NPAS3: variants seen among roughly 807,000 people sequenced by gnomAD.
NPAS3 encodes the protein neuronal PAS domain-containing protein 3.
A neutral mutation model predicts 73.1 loss-of-function variants in NPAS3; 14 were observed. The ratio of observed to expected loss-of-function variants is 0.19; its 90% CI spans 0.13 to 0.30. The LOEUF is 0.30. Ranked by LOEUF, NPAS3 falls within the 10% of genes least tolerant of loss-of-function variation. The pLI is 1.00. For synonymous variants in NPAS3, 620 were observed against 541.5 expected (o/e 1.14, Z -2.01); for missense variants, 1,096 against 1,250.0 (o/e 0.88, Z 1.86).
intron 6 of NPAS3, among the ~76,000 whole-genome samples, chr14:33,714,251 A>T (rs1485505370): frequency 1.3e-5 from 2 of 152,000 alleles, no homozygotes; most frequent in Non-Finnish European, 2.9e-5. Flanking sequence ...CATCTAGCAC[A>T]CTAGATCTTT....
intron 5 of NPAS3, among the ~76,000 whole-genome samples, chr14:33,648,554 G>A (rs2058900751): frequency 6.6e-6 from 1 of 152,188 alleles, no homozygotes; most frequent in Non-Finnish European, 1.5e-5. Flanking sequence ...AGAATTCCAA[G>A]TCAATATAAA....
intron 1 of NPAS3, among the ~76,000 whole-genome samples, chr14:33,033,426 C>T (rs1289694305): frequency 6.6e-6 from 1 of 151,978 alleles, no homozygotes; most frequent in East Asian, 1.9e-4. Flanking sequence ...TTGCAGTGAG[C>T]CGGGATTGCG....
intron 5 of NPAS3, among the ~76,000 whole-genome samples, chr14:33,643,027 C>T (rs2058717485): frequency 6.6e-6 from 1 of 152,096 alleles, no homozygotes; most frequent in East Asian, 1.9e-4. Flanking sequence ...CAATAATCTT[C>T]ATATAAGTAA....
intron 4 of NPAS3, among the ~76,000 whole-genome samples, chr14:33,445,631 T>C (rs893594292): frequency 1.6e-4 from 24 of 152,228 alleles, no homozygotes; most frequent in African/African-American, 5.3e-4. Context: ...AGGATGAAGA[T>C]ATTTCCCCAA....
At chr14:33,583,639 T>A (rs2056761937) in intron 5 of NPAS3, among the ~76,000 whole-genome samples, 1 of 152,210 alleles carries the variant, frequency 6.6e-6, no homozygotes, top group Admixed American at 6.5e-5. Context: ...CTTTCCAGTT[T>A]GTGTTAGGAT....
intron 4 of NPAS3, among the ~76,000 whole-genome samples, chr14:33,405,706 T>TA (rs1228691653): frequency 5.3e-5 from 8 of 152,130 alleles, no homozygotes. Context: ...TATAGGAACA[T>TA]AAAATTCATC....
At chr14:33,133,092 C>A (rs1168817691) in intron 2 of NPAS3, among the ~76,000 whole-genome samples, 1 of 152,154 alleles carries the variant, frequency 6.6e-6, no homozygotes, top group East Asian at 1.9e-4. Flanking sequence ...AAGAAGACTT[C>A]TATCTGTATT....
At chr14:33,682,540 A>ACCTAGAATGATTCTTTT (rs1177855032) in intron 6 of NPAS3, among the ~76,000 whole-genome samples, 1 of 152,222 alleles carries the variant, frequency 6.6e-6, no homozygotes, top group Non-Finnish European at 1.5e-5. Context: ...ACCTTGCCAA[A>ACCTAGAATGATTCTTTT]CCTAGAATGA....
At chr14:33,743,667 C>G (rs1312245644) in intron 7 of NPAS3, among the ~76,000 whole-genome samples, 11 of 152,212 alleles carry the variant, frequency 7.2e-5, no homozygotes, top group Admixed American at 7.2e-4. Flanking sequence ...GATGACTTCT[C>G]TCTAGCTATG....
intron 4 of NPAS3, among the ~76,000 whole-genome samples, chr14:33,493,287 G>A (rs924804770): frequency 1.3e-5 from 2 of 151,546 alleles, no homozygotes; most frequent in Non-Finnish European, 2.9e-5. Context: ...ACAATCGGGG[G>A]AAGATATTAT....
intron 4 of NPAS3, among the ~76,000 whole-genome samples, chr14:33,549,486 G>A (rs1595134951): frequency 1.3e-5 from 2 of 152,010 alleles, no homozygotes; most frequent in African/African-American, 2.4e-5. Context: ...CGCCTGCCTC[G>A]GCCTTCTAAT....
chr14:33,419,511 A>G (rs1031976111), intron 4 of NPAS3, among the ~76,000 whole-genome samples: 3 of 151,898 alleles, frequency 2.0e-5, no homozygotes, highest in African/African-American at 7.2e-5. Flanking sequence ...GCTGATGAGA[A>G]AAGTAAATGC....
chr14:33,550,430 A>T (rs1191555925), intron 4 of NPAS3, among the ~76,000 whole-genome samples: 1 of 152,254 alleles, frequency 6.6e-6, no homozygotes, highest in African/African-American at 2.4e-5. Flanking sequence ...TTACGATATT[A>T]GTTGTTATGT....
chr14:33,114,315 C>A (rs936000098), intron 2 of NPAS3, among the ~76,000 whole-genome samples: 1 of 152,108 alleles, frequency 6.6e-6, no homozygotes, highest in Non-Finnish European at 1.5e-5. Flanking sequence ...GGATTATAGG[C>A]GTGAACTACC....
chr14:33,446,392 G>A (rs1239558921), intron 4 of NPAS3, among the ~76,000 whole-genome samples: 1 of 150,588 alleles, frequency 6.6e-6, no homozygotes, highest in African/African-American at 2.4e-5. Flanking sequence ...AGCCAGGATG[G>A]TCTCGATCTC....
At chr14:33,784,745 A>ATTTATTTTTTTTTTTT (rs1471526546) in intron 9 of NPAS3, among the ~76,000 whole-genome samples, 10 of 73,832 alleles carry the variant, frequency 1.4e-4, no homozygotes, top group African/African-American at 3.8e-4. Flanking sequence ...TTATTTATTT[A>ATTTATTTTTTTTTTTT]TTTTTTTTTT....
chr14:32,939,176 C>A, upstream of NPAS3: 1 of 195,910 alleles, frequency 5.1e-6, no homozygotes, highest in Admixed American at 6.7e-5. Context: ...CCGGCCACCG[C>A]CCGCCGGGCA....
chr14:33,781,053 A>G lies in NPAS3; in HGVS notation c.1153+2481A>G, dbSNP rs190110087. On this transcript the variant is annotated intron_variant, in intron 9 of 11. Transcript: ENST00000356141. ...AGCTGATAATTCTGCATAGTAAAAT[A>G]CACTTCACATATTTAGCTATCATGC... Among the ~76,000 whole-genome samples, 289 of 152,338 alleles carry G rather than the reference A, an allele frequency of 1.9e-3. 1 individual carries two copies. Among genetic ancestry groups the G allele is most frequent in the Middle Eastern group, 0.01 (3 of 294 alleles).
intron 3 of NPAS3, among the ~76,000 whole-genome samples, chr14:33,222,965 T>C (rs1280791132): frequency 2.0e-5 from 3 of 152,124 alleles, no homozygotes; most frequent in Non-Finnish European, 4.4e-5. Flanking sequence ...GAGCTGCTAG[T>C]CCCTGCCCTG....
Sources: gnomAD v4.1 joint callset for allele counts (sites outside exome capture counted in the v4.1 genomes callset) on GRCh38, gnomAD v4.1.1 for gene constraint, MANE v1.5 for transcripts, NCBI Gene and HGNC (gene_info 2026-07-23, HGNC 2026-07-21) for gene names.